ACOT8: variants seen among roughly 807,000 people sequenced by gnomAD.
ACOT8 encodes the protein acyl-CoA thioesterase 8.
Under a neutral mutation model 38.4 loss-of-function variants are expected in ACOT8, and 31 were observed. That is an observed-to-expected ratio of 0.81 (90% confidence interval 0.61 to 1.09). The LOEUF is 1.09. Ranked by LOEUF, ACOT8 falls within the 50% of genes least tolerant of loss-of-function variation. The pLI, the probability that ACOT8 is intolerant of heterozygous loss-of-function variation, is 0.00. For missense variants in ACOT8, 373 were observed against 421.8 expected (o/e 0.88, Z 1.01); for synonymous variants, 158 against 170.3 (o/e 0.93, Z 0.56).
intron 3 of ACOT8, among the ~76,000 whole-genome samples, chr20:45,847,174 C>T (rs1361409053): frequency 6.6e-6 from 1 of 152,146 alleles, no homozygotes; most frequent in Non-Finnish European, 1.5e-5. Context: ...CATGCCACTG[C>T]ACTCCAGCCT....
chr20:45,843,591 C>T lies in ACOT8; in HGVS notation c.777G>A (p.Met259Ile). 2.5e-6 allele frequency: 4 copies of T among 1,613,408 alleles called. 1 individual carries two copies. The South Asian group carries it at 3.3e-5, about 13-fold the overall frequency. The change falls in exon 5 of 6, where the codon ATG becomes ATA. Residue 259 changes from methionine (M) to isoleucine (I), a missense_variant. Met to Ile is a conservative substitution (Grantham distance 10). Transcript: ENST00000217455. ...VHFMVSLDHS[M>I]WFHAPFRADH... Reference sequence around the variant, plus strand: ...CAGCTCGGAAGGGGGCGTGGAACCACATGGAATGGTCCAGTGAGACCATGA... The same window carrying T: ...CAGCTCGGAAGGGGGCGTGGAACCATATGGAATGGTCCAGTGAGACCATGA...
chr20:45,842,163 G>GA, intron 5 of ACOT8: 1 of 1,520,084 alleles, frequency 6.6e-7, no homozygotes, highest in Non-Finnish European at 8.8e-7. Flanking sequence ...TCTTGCAAAG[G>GA]GTCTGGCCCA....
chr20:45,849,420 G>C lies in ACOT8; in HGVS notation c.263-745C>G, dbSNP rs186614478. Among the ~76,000 whole-genome samples, 102 of 151,956 alleles carry C rather than the reference G, an allele frequency of 6.7e-4. No homozygotes were observed. The East Asian group carries it at 0.019, about 28-fold the overall frequency. The stretch of plus-strand genomic sequence containing the variant: ...GTGACTCAGCCTCCTGAGTGGGGGG[G>C]GACTACAGGGGTGCATGACCATACC... On this transcript the variant is annotated intron_variant, in intron 2 of 5. Transcript: ENST00000217455.
intron 4 of ACOT8, 59 bp from the exon 5 acceptor site, chr20:45,843,780 G>T: frequency 6.3e-7 from 1 of 1,586,500 alleles, no homozygotes; most frequent in East Asian, 2.3e-5. Flanking sequence ...GACCTGCACG[G>T]AGGTAGGGGG....
At chr20:45,845,638 T>C (rs1984633255) in intron 3 of ACOT8, among the ~76,000 whole-genome samples, 2 of 152,152 alleles carry the variant, frequency 1.3e-5, no homozygotes, top group Non-Finnish European at 1.5e-5. Context: ...CAACCACCCA[T>C]AGTGCTCTGC....
At chr20:45,843,942 C>A (rs1202484621) in intron 4 of ACOT8, 3 of 971,432 alleles carry the variant, frequency 3.1e-6, no homozygotes, top group Non-Finnish European at 4.4e-6. Context: ...CCACCCAAGT[C>A]TCCCACTCTA....
intron 1 of ACOT8, among the ~76,000 whole-genome samples, 166 bp from the exon 2 acceptor site, chr20:45,855,458 TA>T (rs1418343066): frequency 2.0e-5 from 3 of 152,096 alleles, no homozygotes; most frequent in African/African-American, 7.2e-5. Context: ...TCCTTATGCA[TA>T]AAAATCCTCT....
chr20:45,846,921 CAT>C lies in ACOT8; in HGVS notation c.488+1527_488+1528del, dbSNP rs567992844. Among the ~76,000 whole-genome samples the C allele has an allele frequency of 8.5e-4, 129 of 152,192 alleles. 1 individual carries two copies. The highest frequency in any genetic ancestry group is 2.9e-3 in the African/African-American group (120 of 41,526). On this transcript the variant is annotated intron_variant, in intron 3 of 5. Coordinates refer to ENST00000217455, the MANE Select transcript of ACOT8 (RefSeq NM_005469.4). ...GTACATATGTTTTATATACATAAAACATGTGGCCGGGCACGGTGGCTCACGCC... is the reference window on the plus strand; with the variant it reads ...GTACATATGTTTTATATACATAAAACGTGGCCGGGCACGGTGGCTCACGCC...
Position 45,848,627 on chromosome 20 carries a change from C to A in ACOT8, c.311G>T (p.Gly104Val). 6.2e-7 allele frequency: 1 copy of A among 1,613,770 alleles called. No individual in the cohort carries two copies. Among genetic ancestry groups the A allele is most frequent in the Non-Finnish European group, 8.5e-7 (1 of 1,179,980 alleles). Reference protein sequence around the residue: ...VLYQVERTRTGSSFSVRSVKA... With the variant: ...VLYQVERTRTVSSFSVRSVKA... ...CACAGAGCGCACCGAGAAGCTCGAC[C>A]CTGTTCGTGTCCGCTCCACTTGGTA... is the stretch of plus-strand genomic sequence containing the variant. Residue 104 changes from glycine (G) to valine (V), a missense_variant, in exon 3 of 6, where the codon GGG (glycine) becomes GTG (valine). Coordinates refer to ENST00000217455, the MANE Select transcript of ACOT8 (RefSeq NM_005469.4).
At chr20:45,845,965 G>A (rs1984661497) in intron 3 of ACOT8, among the ~76,000 whole-genome samples, 1 of 151,952 alleles carries the variant, frequency 6.6e-6, no homozygotes, top group African/African-American at 2.4e-5. Context: ...CTGAGTAGCT[G>A]GGATTACAGG....
chr20:45,849,413 T>C (rs899569270), intron 2 of ACOT8, among the ~76,000 whole-genome samples: 1 of 150,684 alleles, frequency 6.6e-6, no homozygotes, highest in African/African-American at 2.4e-5. Flanking sequence ...GCCTCCTGAG[T>C]GGGGGGGGAC....
chr20:45,843,882 T>G, intron 4 of ACOT8, 161 bp from the exon 5 acceptor site: 4 of 1,375,118 alleles, frequency 2.9e-6, no homozygotes, highest in Non-Finnish European at 3.8e-6. Context: ...AGAAGTGAGA[T>G]GGCGACTTGG....
At chr20:45,843,298 C>T in intron 5 of ACOT8, 2 of 726,354 alleles carry the variant, frequency 2.8e-6, no homozygotes, top group Non-Finnish European at 2.4e-6. Context: ...AACTGGGTCC[C>T]TGGGAGAAGG....
rs556028707 is a variant in ACOT8, at chr20:45,857,391, G to A, written c.-76C>T. On this transcript the variant is annotated 5_prime_UTR_variant, in exon 1 of 6. Coordinates refer to ENST00000217455, the MANE Select transcript of ACOT8 (RefSeq NM_005469.4). ...ACATACACAGAACCTGACTCTTCCGGCAGATTGCCCTAGTAACCGGAAGTC... is the reference window on the plus strand; with the variant it reads ...ACATACACAGAACCTGACTCTTCCGACAGATTGCCCTAGTAACCGGAAGTC... The A allele has an allele frequency of 2.0e-6, 3 of 1,503,228 alleles. No individual in the cohort carries two copies. Among genetic ancestry groups the A allele is most frequent in the Non-Finnish European group, 1.8e-6 (2 of 1,122,716 alleles). The allele number at this position is 1,503,228 out of a possible 1,614,324, so 93.1% of individuals were successfully genotyped here. A position where few individuals can be genotyped will look rare whatever the true frequency, so the allele number is the denominator to read the frequency against.
At chr20:45,853,778 A>G (rs1036540948) in intron 2 of ACOT8, 20 of 471,418 alleles carry the variant, frequency 4.2e-5, no homozygotes, top group Admixed American at 3.7e-4. Flanking sequence ...GGCCGAGAAG[A>G]GGGGGGCCAA....
chr20:45,843,132 GAA>G, intron 5 of ACOT8: 1 of 909,790 alleles, frequency 1.1e-6, no homozygotes, highest in Non-Finnish European at 1.5e-6. Context: ...AATCTATTTT[GAA>G]AAGGCATCCC....
At chr20:45,843,467 A>C in intron 5 of ACOT8, 60 bp downstream of exon 5, 1 of 1,572,896 alleles carries the variant, frequency 6.4e-7, no homozygotes, top group Middle Eastern at 1.7e-4. Context: ...GCATCACCCA[A>C]GAAAGCAGGC....
chr20:45,848,811 AGG>A, intron 2 of ACOT8, 136 bp from the exon 3 acceptor site: 1 of 703,742 alleles, frequency 1.4e-6, no homozygotes, highest in Non-Finnish European at 2.2e-6. Flanking sequence ...GTCCAGGCCC[AGG>A]GATACAGAGA....
intron 4 of ACOT8, 36 bp downstream of exon 4, chr20:45,844,227 G>A (rs1984497579): frequency 3.1e-6 from 5 of 1,613,842 alleles, no homozygotes; most frequent in Non-Finnish European, 3.4e-6. Context: ...AGACCCCTTG[G>A]AGAGTGGTTT....
Sources: gnomAD v4.1 joint callset for allele counts (sites outside exome capture counted in the v4.1 genomes callset) on GRCh38, gnomAD v4.1.1 for gene constraint, MANE v1.5 for transcripts, NCBI Gene and HGNC (gene_info 2026-07-23, HGNC 2026-07-21) for gene names.